The following PCDHA4 variants were observed in gnomAD, a reference collection of about 807,000 sequenced individuals.
PCDHA4 encodes the protein protocadherin alpha-4.
In PCDHA4, 49 loss-of-function variants were observed where a neutral mutation model predicts 61.4. That is an observed-to-expected ratio of 0.80 (90% CI 0.63 to 1.01). The LOEUF (loss-of-function observed/expected upper bound fraction) is 1.01. Among genes scored for constraint, PCDHA4 ranks in the 50% least tolerant of loss-of-function variants. PCDHA4 has a pLI of 0.00. For synonymous variants in PCDHA4, 590 were observed against 550.3 expected (o/e 1.07, Z -1.01); for missense variants, 1,254 against 1,235.8 (o/e 1.01, Z -0.22).
intron 3 of PCDHA4, among the ~76,000 whole-genome samples, chr5:140,999,986 G>A (rs2097887000): frequency 6.6e-6 from 1 of 151,990 alleles, no homozygotes; most frequent in African/African-American, 2.4e-5. Context: ...GCGGCCTCTG[G>A]GTAGTGGTAT....
Position 140,884,599 on chromosome 5 carries a change from T to C in PCDHA4, c.2385+75027T>C, listed in dbSNP as rs1490825306. 3 of 1,614,042 alleles carry C rather than the reference T, an allele frequency of 1.9e-6. No homozygotes were observed. In the East Asian group the frequency reaches 6.7e-5, roughly 36 times the overall value. ...TCATGGCCTTCAGTCCCAGCCTTCC[T>C]CCTTGTCTGGGTTCTGCAGAGGGAA... On this transcript the variant is annotated intron_variant, in intron 1 of 3. Transcript: ENST00000530339.
intron 2 of PCDHA4, among the ~76,000 whole-genome samples, chr5:140,981,439 T>C (rs1468864699): frequency 6.6e-6 from 1 of 152,128 alleles, no homozygotes; most frequent in Non-Finnish European, 1.5e-5. Flanking sequence ...CCAGGCATGG[T>C]GGCGGGTGCC....
At chr5:140,931,717 C>G (rs2087694120) in intron 1 of PCDHA4, among the ~76,000 whole-genome samples, 1 of 151,872 alleles carries the variant, frequency 6.6e-6, no homozygotes, top group Admixed American at 6.6e-5. Flanking sequence ...AAAATAACTT[C>G]TATAAATATG....
chr5:140,925,647 A>AATAATAATC (rs1477954591), intron 1 of PCDHA4, among the ~76,000 whole-genome samples: 5 of 123,794 alleles, frequency 4.0e-5, no homozygotes, highest in Non-Finnish European at 7.0e-5. Flanking sequence ...AAAGTATAAT[A>AATAATAATC]ATAATAATAA....
intron 1 of PCDHA4, chr5:140,850,343 C>G (rs1554144214): frequency 1.9e-6 from 3 of 1,597,676 alleles, no homozygotes; most frequent in Non-Finnish European, 2.6e-6. Context: ...CAGAAACGGC[C>G]AGCGCGAGCA....
At chr5:140,938,805 A>G (rs367644327) in intron 1 of PCDHA4, among the ~76,000 whole-genome samples, 3 of 152,162 alleles carry the variant, frequency 2.0e-5, no homozygotes, top group East Asian at 3.9e-4. Context: ...TCGGTACCAC[A>G]AACCCCTGTG....
intron 1 of PCDHA4, 142 bp from the exon 2 acceptor site, chr5:140,978,807 A>T (rs1489269679): frequency 6.7e-7 from 1 of 1,494,726 alleles, no homozygotes; most frequent in Non-Finnish European, 8.9e-7. Context: ...AGATATCATC[A>T]TAGAGTTACA....
At chr5:140,876,963 G>T in intron 1 of PCDHA4, 4 of 1,613,068 alleles carry the variant, frequency 2.5e-6, no homozygotes, top group Non-Finnish European at 2.5e-6. Context: ...TGGTGGAGCG[G>T]CGGGTGGGCG....
intron 3 of PCDHA4, among the ~76,000 whole-genome samples, chr5:141,003,475 G>A (rs934289848): frequency 2.0e-5 from 3 of 151,932 alleles, no homozygotes; most frequent in Non-Finnish European, 2.9e-5. Flanking sequence ...CCACAGTCTC[G>A]CTAATTTTTA....
intron 1 of PCDHA4, among the ~76,000 whole-genome samples, chr5:140,899,543 G>C (rs1231734616): frequency 1.3e-5 from 2 of 152,144 alleles, no homozygotes; most frequent in Non-Finnish European, 2.9e-5. Flanking sequence ...CTTGATCATG[G>C]TGGATAAGCT....
intron 1 of PCDHA4, chr5:140,968,750 G>A: frequency 6.2e-7 from 1 of 1,614,144 alleles, no homozygotes; most frequent in Non-Finnish European, 8.5e-7. Context: ...GACCGTGGTG[G>A]TCCGAGATAA....
At position 140,859,346 on chromosome 5, in the gene PCDHA4, T is replaced by G. The variant is rs978302846; in HGVS notation, c.2385+49774T>G. On this transcript the variant is annotated intron_variant, in intron 1 of 3. Transcript: ENST00000530339. ...AGGAGAAAATAAAATTAATGTTTTCTACTGATCTGATATATTGTATAGTTT... is the reference window on the plus strand; with the variant it reads ...AGGAGAAAATAAAATTAATGTTTTCGACTGATCTGATATATTGTATAGTTT... 7 of 128,770 alleles carry G rather than the reference T, an allele frequency of 5.4e-5. 1 individual carries two copies. In the Admixed American group the frequency reaches 5.5e-4, roughly 10 times the overall value. 8.0% of individuals were successfully genotyped at this position (128,770 alleles called of 1,614,324 possible).
rs1238131938 is a variant in PCDHA4, at chr5:141,010,564, G to A, written c.*627G>A. Reference sequence around the variant, plus strand: ...GAGACAAAACTACCCCCACTGACAAGGCTTTAGGAGACCCTAAAGTCTGTT... The same window carrying A: ...GAGACAAAACTACCCCCACTGACAAAGCTTTAGGAGACCCTAAAGTCTGTT... On this transcript the variant is annotated 3_prime_UTR_variant, in exon 4 of 4. Coordinates refer to ENST00000530339, the MANE Select transcript of PCDHA4 (RefSeq NM_018907.4). 1 of 289,402 alleles carries A rather than the reference G, an allele frequency of 3.5e-6. No homozygotes were observed. Among genetic ancestry groups the A allele is most frequent in the Non-Finnish European group, 6.5e-6 (1 of 154,048 alleles). 17.9% of individuals were successfully genotyped at this position (289,402 alleles called of 1,614,324 possible).
intron 1 of PCDHA4, among the ~76,000 whole-genome samples, chr5:140,905,415 C>A (rs2071821709): frequency 6.6e-6 from 1 of 152,128 alleles, no homozygotes; most frequent in Non-Finnish European, 1.5e-5. Context: ...ATACCAGTAC[C>A]ATGCTGGTTT....
intron 1 of PCDHA4, among the ~76,000 whole-genome samples, chr5:140,937,163 G>A (rs1169573071): frequency 2.0e-5 from 3 of 150,028 alleles, no homozygotes; most frequent in East Asian, 4.0e-4. Flanking sequence ...TCAGCCTCCC[G>A]AGTAGCTGGG....
intron 1 of PCDHA4, among the ~76,000 whole-genome samples, chr5:140,912,002 A>G (rs1452427916): frequency 6.6e-6 from 1 of 152,236 alleles, no homozygotes; most frequent in Admixed American, 6.5e-5. Context: ...ACAATAGGCC[A>G]TCTGCAAGCT....
intron 1 of PCDHA4, among the ~76,000 whole-genome samples, chr5:140,911,178 G>A (rs1227283843): frequency 1.3e-5 from 2 of 152,196 alleles, no homozygotes; most frequent in Non-Finnish European, 2.9e-5. Flanking sequence ...TGATGGCAGT[G>A]TGGGTTGGGG....
chr5:140,957,652 A>G (rs2095373583), intron 1 of PCDHA4, among the ~76,000 whole-genome samples: 1 of 152,132 alleles, frequency 6.6e-6, no homozygotes, highest in African/African-American at 2.4e-5. Flanking sequence ...TAAATATTCA[A>G]TCATGGAGTA....
At chr5:140,990,284 T>C (rs2097384646) in intron 3 of PCDHA4, among the ~76,000 whole-genome samples, 1 of 152,142 alleles carries the variant, frequency 6.6e-6, no homozygotes, top group African/African-American at 2.4e-5. Flanking sequence ...GGTCTTGAGA[T>C]TATCGATGCC....
Sources: allele counts gnomAD v4.1 joint callset (sites outside exome capture counted in the v4.1 genomes callset), GRCh38; gene constraint gnomAD v4.1.1; transcripts MANE v1.5; gene names NCBI Gene and HGNC (gene_info 2026-07-23, HGNC 2026-07-21).